SRBD1: variants seen among roughly 807,000 people sequenced by gnomAD.
The protein encoded by SRBD1 is S1 RNA binding domain 1.
A neutral mutation model predicts 115.3 loss-of-function variants in SRBD1; 88 were observed. That is an observed-to-expected ratio of 0.76 (90% CI 0.64 to 0.91). The LOEUF (loss-of-function observed/expected upper bound fraction) is 0.91. SRBD1 is among the 40% of genes least tolerant of loss of function. The pLI, the probability that SRBD1 is intolerant of heterozygous loss-of-function variation, is 0.00. For missense variants in SRBD1, 1,385 were observed against 1,177.4 expected (o/e 1.18, Z -2.58); for synonymous variants, 509 against 407.7 (o/e 1.25, Z -2.99).
chr2:45,493,789 C>T (rs1354574526), intron 14 of SRBD1, among the ~76,000 whole-genome samples: 1 of 140,982 alleles, frequency 7.1e-6, no homozygotes, highest in Non-Finnish European at 1.5e-5. Flanking sequence ...CCATCCTGGG[C>T]AACAAGAATG....
At chr2:45,497,203 A>G (rs1368288479) in intron 14 of SRBD1, among the ~76,000 whole-genome samples, 1 of 152,374 alleles carries the variant, frequency 6.6e-6, no homozygotes, top group Non-Finnish European at 1.5e-5. Context: ...GGCAAGCCTA[A>G]AAGAACACAG....
At chr2:45,442,320 A>T (rs1333687341) in intron 16 of SRBD1, among the ~76,000 whole-genome samples, 1 of 152,218 alleles carries the variant, frequency 6.6e-6, no homozygotes, top group Non-Finnish European at 1.5e-5. Context: ...ACATACCTTG[A>T]TGCAATTAAT....
intron 2 of SRBD1, among the ~76,000 whole-genome samples, 179 bp from the exon 3 acceptor site, chr2:45,602,262 G>A (rs560568705): frequency 4.6e-5 from 7 of 152,086 alleles, no homozygotes; most frequent in Non-Finnish European, 1.0e-4. Flanking sequence ...AGTTGATGAC[G>A]GACCAGTATA....
chr2:45,562,831 A>G, intron 9 of SRBD1, 75 bp from the exon 10 acceptor site: 2 of 877,480 alleles, frequency 2.3e-6, no homozygotes, highest in Non-Finnish European at 3.5e-6. Context: ...TGTAGCTGAC[A>G]GCTATATGAA....
At chr2:45,535,194 C>T (rs1572745304) in intron 14 of SRBD1, among the ~76,000 whole-genome samples, 1 of 152,132 alleles carries the variant, frequency 6.6e-6, no homozygotes, top group East Asian at 1.9e-4. Context: ...CAGACATCAA[C>T]ACATTAGCTA....
At position 45,555,325 on chromosome 2, in the gene SRBD1, T is replaced by C. The variant is rs183232241; in HGVS notation, c.1410-1595A>G. On this transcript the variant is annotated intron_variant, in intron 10 of 20. Coordinates refer to ENST00000263736, the MANE Select transcript of SRBD1 (RefSeq NM_018079.5). ...ACTTGAGCCCAGGAGGTTGAAGCTG[T>C]AGTAAGCCATGATGCACCACTGCAC... Among the ~76,000 whole-genome samples, 313 of 152,144 alleles carry C rather than the reference T, an allele frequency of 2.1e-3. 2 individuals are homozygous for C. The highest frequency in any genetic ancestry group is 7.0e-3 in the African/African-American group (292 of 41,492).
chr2:45,399,795 A>G (rs1189152161), intron 19 of SRBD1, among the ~76,000 whole-genome samples: 1 of 152,190 alleles, frequency 6.6e-6, no homozygotes, highest in East Asian at 1.9e-4. Flanking sequence ...AGTGGTTTCA[A>G]AGGCTACAGA....
rs758989784 is a variant in SRBD1, at chr2:45,551,111, G to C, written c.1675+14C>G. 1 of 1,578,250 alleles carries C rather than the reference G, an allele frequency of 6.3e-7. No homozygotes were observed. Among genetic ancestry groups the C allele is most frequent in the Non-Finnish European group, 8.6e-7 (1 of 1,168,254 alleles). On this transcript the variant is annotated intron_variant, in intron 12 of 20. Transcript: ENST00000263736. ...CCAAACAACTTTTACATGGAAAATTGCAAGACAACTTACTAGTAGGAGAAA... is the reference window on the plus strand; with the variant it reads ...CCAAACAACTTTTACATGGAAAATTCCAAGACAACTTACTAGTAGGAGAAA...
Position 45,596,951 on chromosome 2 carries a change from C to CA in SRBD1, c.648+2497_648+2498insT, listed in dbSNP as rs70937964. Among the ~76,000 whole-genome samples, 1,246 of 145,190 alleles carry CA rather than the reference C, an allele frequency of 8.6e-3. 8 individuals carry two copies. Among genetic ancestry groups the CA allele is most frequent in the Middle Eastern group, 0.014 (4 of 282 alleles). The stretch of plus-strand genomic sequence containing the variant: ...CCTAACACACACACACACACACACA[C>CA]CCACAACCCTAACACACACACCCAC... On this transcript the variant is annotated intron_variant, in intron 4 of 20. Transcript: ENST00000263736.
chr2:45,409,840 C>T (rs773292790), intron 19 of SRBD1, among the ~76,000 whole-genome samples: 18 of 151,936 alleles, frequency 1.2e-4, no homozygotes, highest in Non-Finnish European at 2.5e-4. Flanking sequence ...AAAGACACAG[C>T]TTAGAGAAAT....
intron 1 of SRBD1, among the ~76,000 whole-genome samples, chr2:45,609,823 T>A (rs1420540630): frequency 6.6e-6 from 1 of 152,226 alleles, no homozygotes; most frequent in Non-Finnish European, 1.5e-5. Flanking sequence ...CAATCTGTAA[T>A]TATTTTTATT....
chr2:45,564,865 G>A (rs62128603), intron 9 of SRBD1, among the ~76,000 whole-genome samples: 54,014 of 152,042 alleles, frequency 0.36, 10,664 homozygotes, highest in Non-Finnish European at 0.46. Flanking sequence ...GGCCAACTCT[G>A]GGACTTGCAT....
intron 20 of SRBD1, among the ~76,000 whole-genome samples, chr2:45,390,477 T>C (rs958842520): frequency 6.6e-6 from 1 of 152,188 alleles, no homozygotes; most frequent in African/African-American, 2.4e-5. Context: ...AGGGAGACAG[T>C]TAGAGTTAGA....
chr2:45,494,293 G>A (rs1308765461), intron 14 of SRBD1, among the ~76,000 whole-genome samples: 3 of 151,850 alleles, frequency 2.0e-5, no homozygotes, highest in East Asian at 3.8e-4. Context: ...CAATAACCAT[G>A]TAATACTCAT....
chr2:45,549,432 A>G (rs1672224801), intron 12 of SRBD1, among the ~76,000 whole-genome samples: 1 of 152,112 alleles, frequency 6.6e-6, no homozygotes, highest in African/African-American at 2.4e-5. Context: ...GAAATGCATG[A>G]TAGTCAAATT....
chr2:45,554,225 T>C (rs1672399750), intron 10 of SRBD1, among the ~76,000 whole-genome samples: 1 of 152,154 alleles, frequency 6.6e-6, no homozygotes, highest in Non-Finnish European at 1.5e-5. Flanking sequence ...TTCTCAACCA[T>C]GTGAGGACAC....
At position 45,574,727 on chromosome 2, in the gene SRBD1, TAGG is replaced by T. The variant is rs752114188; in HGVS notation, c.1073-7_1073-5del. 5.0e-6 allele frequency: 8 copies of T among 1,605,056 alleles called. No homozygotes were observed. Among genetic ancestry groups the T allele is most frequent in the Middle Eastern group, 1.7e-4 (1 of 6,030 alleles). ...ATATCCTGAAGCGTTGAAAGCCCTTTAGGAGAAGGGTAAAAAGGAAAACAAAAA... is the reference window on the plus strand; with the variant it reads ...ATATCCTGAAGCGTTGAAAGCCCTTTAGAAGGGTAAAAAGGAAAACAAAAA... On this transcript the variant is annotated splice_region_variant and splice_polypyrimidine_tract_variant and intron_variant, in intron 7 of 20. Transcript: ENST00000263736.
chr2:45,553,753 C>G (rs1053717065), intron 10 of SRBD1, 23 bp from the exon 11 acceptor site: 20 of 1,479,274 alleles, frequency 1.4e-5, no homozygotes, highest in Non-Finnish European at 1.6e-5. Flanking sequence ...AAAGCCCACA[C>G]TAAAACTGAT....
chr2:45,464,178 C>G (rs576758308), intron 16 of SRBD1, among the ~76,000 whole-genome samples: 63 of 151,846 alleles, frequency 4.1e-4, no homozygotes, highest in African/African-American at 1.5e-3. Context: ...TCATCCATAG[C>G]ACTCCTTCTT....
Sources: allele counts gnomAD v4.1 joint callset (sites outside exome capture counted in the v4.1 genomes callset), GRCh38; gene constraint gnomAD v4.1.1; transcripts MANE v1.5; gene names NCBI Gene and HGNC (gene_info 2026-07-23, HGNC 2026-07-21).